The following UBE2U variants were observed in gnomAD, a reference collection of about 807,000 sequenced individuals.
The protein encoded by UBE2U is ubiquitin conjugating enzyme E2 U, also known as ubiquitin-conjugating enzyme E2 U.
In UBE2U, 39 loss-of-function variants were observed where a neutral mutation model predicts 41.2. The ratio of observed to expected loss-of-function variants is 0.95; its 90% CI spans 0.73 to 1.24. UBE2U has a LOEUF of 1.24. Among genes scored for constraint, UBE2U ranks in the 50% most tolerant of loss-of-function variants. The pLI is 0.00. For synonymous variants in UBE2U, 107 were observed against 117.8 expected, an observed-to-expected ratio of 0.91 and a Z score of 0.60; for missense variants, 336 against 363.1, an observed-to-expected ratio of 0.93 and a Z score of 0.61.
chr1:64,204,168 G>C lies in UBE2U; in HGVS notation c.66+52G>C, dbSNP rs74081708. 9.8e-5 allele frequency: 153 copies of C among 1,565,278 alleles called. 1 individual carries two copies. In the South Asian group the frequency reaches 1.7e-3, roughly 17 times the overall value. ...TGTTTCATTGTGCAATAATTTTTAAGAGGCAGTTTAACCCATTTTATTCTA... is the reference window on the plus strand; with the variant it reads ...TGTTTCATTGTGCAATAATTTTTAACAGGCAGTTTAACCCATTTTATTCTA... On this transcript the variant is annotated intron_variant, in intron 1 of 9. Transcript: ENST00000371077.
chr1:64,244,852 G>C (rs1644894035), intron 8 of UBE2U, among the ~76,000 whole-genome samples: 1 of 152,122 alleles, frequency 6.6e-6, no homozygotes, highest in African/African-American at 2.4e-5. Flanking sequence ...CAAATAGTAG[G>C]CACTCAATTA....
In UBE2U at chr1:64,210,773, C is replaced by CT; in HGVS notation, c.278dup (p.Leu93PhefsTer5). On this transcript the variant is annotated frameshift_variant, in exon 4 of 10. Coordinates refer to ENST00000371077, the MANE Select transcript of UBE2U (RefSeq NM_001366232.2). LOFTEE classifies it high-confidence loss of function. ...CACACACTGGTCAGCCCTGTATAGA[C>CT]TTTTTGGACAACCCTGAGAAGTGGA... The CT allele has an allele frequency of 6.2e-7, 1 of 1,604,712 alleles. No individual in the cohort carries two copies. The highest frequency in any genetic ancestry group is 1.1e-5 in the South Asian group (1 of 89,676).
At chr1:64,251,899 C>T (rs942087488) in intron 8 of UBE2U, among the ~76,000 whole-genome samples, 3 of 152,202 alleles carry the variant, frequency 2.0e-5, no homozygotes, top group Admixed American at 6.5e-5. Context: ...GCAGCACCAT[C>T]CTGAGGGTCC....
At chr1:64,233,917 T>A (rs934241956) in intron 7 of UBE2U, among the ~76,000 whole-genome samples, 5 of 152,216 alleles carry the variant, frequency 3.3e-5, no homozygotes, top group Admixed American at 6.5e-5. Flanking sequence ...TTACTTGCAC[T>A]CCCATTAGCT....
chr1:64,238,754 G>A lies in UBE2U; in HGVS notation c.596-2898G>A, dbSNP rs116344300. Among the ~76,000 whole-genome samples, 261 of 152,020 alleles carry A rather than the reference G, an allele frequency of 1.7e-3. 1 individual carries two copies. The highest frequency in any genetic ancestry group is 6.1e-3 in the African/African-American group (252 of 41,492). ...TAAGTTCATCATTATTAAGAAGAAA[G>A]CGCCAGGCTGGGCACAGTGGTTCAC... On this transcript the variant is annotated intron_variant, in intron 7 of 9. Transcript: ENST00000371077.
At position 64,218,262 on chromosome 1, in the gene UBE2U, A is replaced by G. The variant is rs540604460; in HGVS notation, c.458-2597A>G. 7.2e-5 allele frequency among the ~76,000 whole-genome samples: 11 copies of G among 152,346 alleles called. No homozygotes were observed. In the South Asian group the frequency reaches 2.3e-3, roughly 32 times the overall value. ...TATTCTGTTACTTAAAAATGTCATA[A>G]GATACTAAAAAACTGAGTTTAACAG... On this transcript the variant is annotated intron_variant, in intron 5 of 9. Transcript: ENST00000371077.
At chr1:64,264,676 GGC>G (rs1030464653) in intron 9 of UBE2U, among the ~76,000 whole-genome samples, 2 of 152,140 alleles carry the variant, frequency 1.3e-5, no homozygotes, top group African/African-American at 4.8e-5. Flanking sequence ...AATGGGGCGG[GGC>G]GCAGTGGCTC....
At chr1:64,243,573 A>C (rs1644870922) in intron 8 of UBE2U, among the ~76,000 whole-genome samples, 1 of 152,156 alleles carries the variant, frequency 6.6e-6, no homozygotes, top group Admixed American at 6.6e-5. Flanking sequence ...TTACGCTGAA[A>C]TTTCCTGTTT....
At chr1:64,205,006 T>C (rs1651204493) in intron 1 of UBE2U, among the ~76,000 whole-genome samples, 2 of 152,096 alleles carry the variant, frequency 1.3e-5, no homozygotes, top group South Asian at 2.1e-4. Flanking sequence ...AATATGTAAA[T>C]ATAGATAATA....
At chr1:64,213,022 T>C (rs1034625857) in intron 4 of UBE2U, among the ~76,000 whole-genome samples, 1 of 152,098 alleles carries the variant, frequency 6.6e-6, no homozygotes, top group Non-Finnish European at 1.5e-5. Flanking sequence ...TCACTGACAA[T>C]TATAAAGAAA....
chr1:64,239,177 A>G (rs57455993), intron 7 of UBE2U, among the ~76,000 whole-genome samples: 5,070 of 91,006 alleles, frequency 0.056, 196 homozygotes, highest in Admixed American at 0.078. Flanking sequence ...AAGAAGAAGA[A>G]GAAGAAGAAG....
chr1:64,228,492 C>T (rs1653033995), intron 6 of UBE2U, among the ~76,000 whole-genome samples: 1 of 151,986 alleles, frequency 6.6e-6, no homozygotes, highest in African/African-American at 2.4e-5. Context: ...GAGTGTAATA[C>T]CATGGTGTGC....
intron 6 of UBE2U, among the ~76,000 whole-genome samples, chr1:64,221,862 G>A (rs1652494006): frequency 6.6e-6 from 1 of 152,110 alleles, no homozygotes; most frequent in South Asian, 2.1e-4. Flanking sequence ...CAAGGCGGGT[G>A]GATCAGGAGG....
chr1:64,239,157 A>AAGGAGAAGAAGAAG lies in UBE2U; in HGVS notation c.596-2494_596-2493insGGAGAAGAAGAAGA. Among the ~76,000 whole-genome samples the AAGGAGAAGAAGAAG allele has an allele frequency of 1.1e-4, 4 of 37,070 alleles. 1 individual carries two copies. Among genetic ancestry groups the AAGGAGAAGAAGAAG allele is most frequent in the African/African-American group, 3.4e-4 (4 of 11,856 alleles). 24.3% of individuals were successfully genotyped at this position (37,070 alleles called of 152,430 possible). The stretch of plus-strand genomic sequence containing the variant: ...GAAGAAGAAGAAGAAGAAGAAGAAG[A>AAGGAGAAGAAGAAG]AAGAAGAAGAAGAAGAAGAAGAAGA... On this transcript the variant is annotated intron_variant, in intron 7 of 9. Transcript: ENST00000371077.
chr1:64,232,760 C>A, intron 7 of UBE2U, 111 bp downstream of exon 7: 2 of 711,756 alleles, frequency 2.8e-6, no homozygotes, highest in South Asian at 2.4e-5. Context: ...GAGTGATAAA[C>A]TTCTCTGTAG....
rs771505279 is a variant in UBE2U at position 64,206,797 on chromosome 1, C to T, written c.182C>T (p.Ser61Leu). The change falls in exon 3 of 10, where the codon TCG (serine) becomes TTG (leucine). Residue 61 changes from serine (S) to leucine (L), a missense_variant. Transcript: ENST00000371077. ...LVFQLTIHFT[S>L]EYNYAPPVVK... is the part of the protein sequence containing the mutation. ...TTCCAACTGACAATACATTTTACAT[C>T]GGAGTACAACTATGCTCCTCCAGTT... 15 of 1,604,426 alleles carry T rather than the reference C, an allele frequency of 9.3e-6. No individual in the cohort carries two copies. The highest frequency in any genetic ancestry group is 8.9e-5 in the East Asian group (4 of 44,732).
At chr1:64,232,990 A>G (rs895487905) in intron 7 of UBE2U, among the ~76,000 whole-genome samples, 1 of 150,234 alleles carries the variant, frequency 6.7e-6, no homozygotes, top group African/African-American at 2.5e-5. Flanking sequence ...GCCACTATGC[A>G]TGGCTAATTT....
intron 7 of UBE2U, among the ~76,000 whole-genome samples, chr1:64,238,413 A>G (rs1209150102): frequency 2.6e-5 from 4 of 151,644 alleles, no homozygotes; most frequent in African/African-American, 9.7e-5. Flanking sequence ...AAAAAAAAAA[A>G]AAGAAAAGAT....
chr1:64,252,574 C>A (rs1645028940), intron 8 of UBE2U, among the ~76,000 whole-genome samples: 1 of 152,142 alleles, frequency 6.6e-6, no homozygotes. Flanking sequence ...TGCTGTTTTG[C>A]AGCCCGCACT....
Sources: gnomAD v4.1 joint callset for allele counts (sites outside exome capture counted in the v4.1 genomes callset) on GRCh38, gnomAD v4.1.1 for gene constraint, MANE v1.5 for transcripts, NCBI Gene and HGNC (gene_info 2026-07-23, HGNC 2026-07-21) for gene names.